Variants in LRBA observed in about 807,000 individuals in gnomAD.
LRBA encodes LPS responsive beige-like anchor protein.
A neutral mutation model predicts 330.0 loss-of-function variants in LRBA; 176 were observed. The ratio of observed to expected loss-of-function variants is 0.53; its 90% CI spans 0.47 to 0.60. The LOEUF (loss-of-function observed/expected upper bound fraction) is 0.60, where lower values mean the gene tolerates loss of function less well. Among genes scored for constraint, LRBA ranks in the 20% least tolerant of loss-of-function variants. The pLI, the probability that LRBA is intolerant of heterozygous loss-of-function variation, is 0.00. For synonymous variants in LRBA, 1,230 were observed against 1,193.0 expected (o/e 1.03, Z -0.64); for missense variants, 3,259 against 3,444.8 (o/e 0.95, Z 1.35).
At chr4:150,390,107 A>G (rs933464692) in intron 47 of LRBA, among the ~76,000 whole-genome samples, 11 of 152,038 alleles carry the variant, frequency 7.2e-5, no homozygotes, top group African/African-American at 2.7e-4. Context: ...TTAGTGTAAG[A>G]TCAATTTATT....
chr4:150,955,521 C>T (rs893750563), intron 2 of LRBA, among the ~76,000 whole-genome samples: 1 of 148,686 alleles, frequency 6.7e-6, no homozygotes, highest in Admixed American at 6.6e-5. Context: ...AGGAGGCTGA[C>T]GCAGGAAGAT....
intron 29 of LRBA, among the ~76,000 whole-genome samples, chr4:150,830,280 C>A (rs1359472120): frequency 1.3e-5 from 2 of 152,202 alleles, no homozygotes; most frequent in African/African-American, 4.8e-5. Flanking sequence ...TCTGGCAGCT[C>A]TTGCATTCCC....
chr4:150,674,879 C>T (rs1001867925), intron 37 of LRBA, among the ~76,000 whole-genome samples: 1 of 151,880 alleles, frequency 6.6e-6, no homozygotes, highest in Non-Finnish European at 1.5e-5. Context: ...AGTCTCAAAA[C>T]GAAAAAACCA....
intron 40 of LRBA, among the ~76,000 whole-genome samples, chr4:150,578,088 G>A (rs1770767024): frequency 6.6e-6 from 1 of 152,140 alleles, no homozygotes; most frequent in Admixed American, 6.5e-5. Flanking sequence ...TGGAAGACAG[G>A]ATTCTTTCTC....
intron 40 of LRBA, among the ~76,000 whole-genome samples, chr4:150,539,150 AT>A (rs1221551811): frequency 6.6e-6 from 1 of 151,924 alleles, no homozygotes; most frequent in Non-Finnish European, 1.5e-5. Flanking sequence ...TAATTTTTGT[AT>A]TTTTAGTAAA....
Position 150,451,778 on chromosome 4 carries a change from G to GA in LRBA, c.6781-14915dup, listed in dbSNP as rs201114114. On this transcript the variant is annotated intron_variant, in intron 44 of 56. Coordinates refer to ENST00000651943, the MANE Select transcript of LRBA (RefSeq NM_001364905.1). ...CTCTAACCAGACTGGTCCAGAGGGA[G>GA]AAAAAGAAGTAAATGCCAGTATCAA... is the stretch of plus-strand genomic sequence containing the variant. Among the ~76,000 whole-genome samples, 1,011 of 152,166 alleles carry GA rather than the reference G, an allele frequency of 6.6e-3. 7 individuals carry two copies. Among genetic ancestry groups the GA allele is most frequent in the Non-Finnish European group, 0.01 (703 of 67,984 alleles).
chr4:150,908,585 G>A, intron 10 of LRBA, 75 bp downstream of exon 10: 1 of 1,458,444 alleles, frequency 6.9e-7, no homozygotes, highest in South Asian at 1.3e-5. Context: ...GTGTTTAACA[G>A]AAGCTACCAA....
Position 150,955,765 on chromosome 4 carries a change from G to A in LRBA, c.217-26700C>T, listed in dbSNP as rs565532180. ...AAATTACCCAGGTGGGGTGGTGGGCGCCTGTAATCCCAGCTACTTGGGAGG... is the reference window on the plus strand; with the variant it reads ...AAATTACCCAGGTGGGGTGGTGGGCACCTGTAATCCCAGCTACTTGGGAGG... On this transcript the variant is annotated intron_variant, in intron 2 of 56. Transcript: ENST00000651943. Among the ~76,000 whole-genome samples the A allele has an allele frequency of 1.1e-4, 17 of 148,282 alleles. 2 individuals carry two copies. The South Asian group carries it at 1.7e-3, about 15-fold the overall frequency.
intron 34 of LRBA, among the ~76,000 whole-genome samples, chr4:150,781,964 C>T (rs10857250): frequency 0.84 from 128,032 of 152,058 alleles, 54,881 homozygotes; most frequent in Non-Finnish European, 0.94. Flanking sequence ...TGAAATGCAG[C>T]GGTGCTATCA....
intron 20 of LRBA, among the ~76,000 whole-genome samples, chr4:150,868,917 G>A (rs770112106): frequency 4.6e-5 from 7 of 151,856 alleles, no homozygotes; most frequent in Non-Finnish European, 5.9e-5. Flanking sequence ...CAGCCTAAGC[G>A]ACACAGCAAG....
rs758169797 is a variant in LRBA, at chr4:150,588,005, C to T, written c.6330+43G>A. 4.5e-5 allele frequency: 72 copies of T among 1,594,470 alleles called. 1 individual carries two copies. The Middle Eastern group carries it at 3.9e-3, about 86-fold the overall frequency. On this transcript the variant is annotated intron_variant, in intron 40 of 56. Coordinates refer to ENST00000651943, the MANE Select transcript of LRBA (RefSeq NM_001364905.1). ...TCCCAATCCTATCCAACAGCACCCA[C>T]CATCCCATCATAAGAAAAAATGAAA...
intron 40 of LRBA, among the ~76,000 whole-genome samples, chr4:150,503,548 A>C (rs1457259938): frequency 6.6e-6 from 1 of 152,174 alleles, no homozygotes; most frequent in African/African-American, 2.4e-5. Context: ...TTAGAAGGAA[A>C]ACTAACAAAC....
At chr4:150,621,870 A>G (rs1776325505) in intron 37 of LRBA, among the ~76,000 whole-genome samples, 1 of 152,308 alleles carries the variant, frequency 6.6e-6, no homozygotes, top group African/African-American at 2.4e-5. Flanking sequence ...TACTGAGGGC[A>G]ATGCTGTATG....
At chr4:150,775,289 C>T (rs1737123269) in intron 34 of LRBA, among the ~76,000 whole-genome samples, 1 of 152,106 alleles carries the variant, frequency 6.6e-6, no homozygotes, top group Non-Finnish European at 1.5e-5. Context: ...GTAGGTCTTA[C>T]ATTATAAATC....
In LRBA at chr4:150,735,321, A is replaced by T; in HGVS notation, c.5691T>A (p.Asn1897Lys). 6.2e-7 allele frequency: 1 copy of T among 1,613,762 alleles called. No homozygotes were observed. The highest frequency in any genetic ancestry group is 8.5e-7 in the Non-Finnish European group (1 of 1,179,784). The change falls in exon 36 of 57, where the codon AAT (asparagine) becomes AAA (lysine). Residue 1897 changes from asparagine (N) to lysine (K), a missense_variant. Asn to Lys is a moderately conservative substitution (Grantham distance 94). Coordinates refer to ENST00000651943, the MANE Select transcript of LRBA (RefSeq NM_001364905.1). ...GCCTGCTCAGGATAAATTCAGCTTC[A>T]TTTGCTACTCTTACTAGATGATCCT... ...TMKDHLVRVANEAEFILSRQR... is the reference protein window; with the variant it reads ...TMKDHLVRVAKEAEFILSRQR...
intron 47 of LRBA, among the ~76,000 whole-genome samples, chr4:150,391,628 T>C (rs576741702): frequency 6.6e-6 from 1 of 151,638 alleles, no homozygotes; most frequent in East Asian, 1.9e-4. Context: ...GGTAAGTAAA[T>C]TGTGTGTGTG....
At chr4:150,977,126 A>C (rs1740270944) in intron 2 of LRBA, among the ~76,000 whole-genome samples, 1 of 152,116 alleles carries the variant, frequency 6.6e-6, no homozygotes, top group Admixed American at 6.6e-5. Flanking sequence ...ACCTGGTAAG[A>C]CCCCAGCTGG....
At chr4:150,531,488 C>T (rs1221610232) in intron 40 of LRBA, among the ~76,000 whole-genome samples, 3 of 152,146 alleles carry the variant, frequency 2.0e-5, no homozygotes, top group African/African-American at 7.2e-5. Context: ...TAGTAATTAT[C>T]ACCATATGAC....
intron 46 of LRBA, among the ~76,000 whole-genome samples, chr4:150,429,766 T>C (rs549880415): frequency 6.6e-6 from 1 of 152,232 alleles, no homozygotes; most frequent in East Asian, 1.9e-4. Context: ...TTTAATTTTG[T>C]TTATATCTTA....
Sources: gnomAD v4.1 joint callset for allele counts (sites outside exome capture counted in the v4.1 genomes callset) on GRCh38, gnomAD v4.1.1 for gene constraint, MANE v1.5 for transcripts, NCBI Gene and HGNC (gene_info 2026-07-23, HGNC 2026-07-21) for gene names.